C3orf49: variants seen among roughly 807,000 people sequenced by gnomAD.
The protein encoded by C3orf49 is putative uncharacterized protein C3orf49.
A neutral mutation model predicts 13.3 loss-of-function variants in C3orf49; 27 were observed. The ratio of observed to expected loss-of-function variants is 2.02; its 90% CI spans 1.49 to 2.79. The LOEUF is 2.79. Among genes scored for constraint, C3orf49 ranks in the 30% most tolerant of loss-of-function variants. The pLI is 0.00. For synonymous variants in C3orf49, 87 were observed against 47.6 expected (o/e 1.83, Z -3.40); for missense variants, 242 against 134.2 (o/e 1.80, Z -3.97).
chr3:63,838,729 C>G (rs1284895550), intron 5 of C3orf49, among the ~76,000 whole-genome samples: 1 of 152,064 alleles, frequency 6.6e-6, no homozygotes, highest in Non-Finnish European at 1.5e-5. Flanking sequence ...TTGTTCTTAT[C>G]AATGCACATT....
At chr3:63,838,719 T>C (rs987247694) in intron 5 of C3orf49, among the ~76,000 whole-genome samples, 2 of 151,940 alleles carry the variant, frequency 1.3e-5, no homozygotes, top group South Asian at 4.2e-4. Flanking sequence ...GGTGGGATTG[T>C]TGTTCTTATC....
the C3orf49 span, among the ~76,000 whole-genome samples, chr3:63,813,516 A>T: frequency 6.6e-6 from 1 of 152,226 alleles, no homozygotes; most frequent in Admixed American, 6.5e-5. Context: ...GTCTTAAGTT[A>T]GAAATACTAA....
chr3:63,790,626 A>G, the C3orf49 span, among the ~76,000 whole-genome samples: 3 of 146,834 alleles, frequency 2.0e-5, no homozygotes, highest in Admixed American at 6.8e-5. Context: ...TGGCACCTCA[A>G]TGCAGTAATC....
At chr3:63,804,866 A>G in the C3orf49 span, among the ~76,000 whole-genome samples, 1 of 152,218 alleles carries the variant, frequency 6.6e-6, no homozygotes, top group Non-Finnish European at 1.5e-5. Flanking sequence ...CTTGTGAAAT[A>G]AATGGATCTT....
At chr3:63,827,493 C>A in intron 2 of C3orf49, 108 bp from the exon 3 acceptor site, 2 of 565,432 alleles carry the variant, frequency 3.5e-6, no homozygotes, top group East Asian at 2.8e-5. Flanking sequence ...AAAAAAAAGC[C>A]ACTGAAGCAG....
At chr3:63,826,276 T>C (rs1238449268) in intron 2 of C3orf49, among the ~76,000 whole-genome samples, 1 of 151,938 alleles carries the variant, frequency 6.6e-6, no homozygotes, top group Non-Finnish European at 1.5e-5. Context: ...GTAGACTGGA[T>C]TGGATGAGGG....
the C3orf49 span, among the ~76,000 whole-genome samples, chr3:63,783,824 G>A: frequency 6.6e-6 from 1 of 151,996 alleles, no homozygotes; most frequent in Non-Finnish European, 1.5e-5. Flanking sequence ...CAGCACTAAA[G>A]AATTCAAGCT....
the C3orf49 span, chr3:63,805,240 A>C: frequency 1.3e-5 from 2 of 152,254 alleles, no homozygotes; most frequent in Admixed American, 6.5e-5. Context: ...AACATCTTAG[A>C]GGAAACACAA....
chr3:63,792,635 A>T, the C3orf49 span, among the ~76,000 whole-genome samples: 33 of 152,366 alleles, frequency 2.2e-4, no homozygotes, highest in African/African-American at 7.9e-4. Flanking sequence ...AGAGTCTATT[A>T]TGAATTAAGA....
At chr3:63,791,817 G>C in the C3orf49 span, among the ~76,000 whole-genome samples, 1 of 152,136 alleles carries the variant, frequency 6.6e-6, no homozygotes, top group South Asian at 2.1e-4. Context: ...TTCTTCCTTA[G>C]TCTCATAAAA....
At chr3:63,812,118 T>C in the C3orf49 span, among the ~76,000 whole-genome samples, 1 of 152,082 alleles carries the variant, frequency 6.6e-6, no homozygotes, top group Non-Finnish European at 1.5e-5. Context: ...TATTTTTTTA[T>C]GAGGATCCTG....
intron 6 of C3orf49, among the ~76,000 whole-genome samples, chr3:63,847,596 G>A (rs1701925111): frequency 6.6e-6 from 1 of 152,174 alleles, no homozygotes; most frequent in Admixed American, 6.5e-5. Context: ...AATTAGCCGG[G>A]TGTGGGGTTG....
intron 5 of C3orf49, chr3:63,835,292 A>G: frequency 6.2e-7 from 1 of 1,612,908 alleles, no homozygotes; most frequent in Non-Finnish European, 8.5e-7. Context: ...ACAGATAGAC[A>G]GATCATGAAG....
the C3orf49 span, chr3:63,782,505 C>T: frequency 6.6e-6 from 1 of 152,120 alleles, no homozygotes. Context: ...GTAAACAGTC[C>T]TCCAGAGTCA....
At chr3:63,823,844 A>G (rs1333140486) in intron 2 of C3orf49, among the ~76,000 whole-genome samples, 2 of 150,004 alleles carry the variant, frequency 1.3e-5, no homozygotes, top group Non-Finnish European at 3.0e-5. Context: ...TCTATCACCC[A>G]GGCTGTAGTG....
the C3orf49 span, among the ~76,000 whole-genome samples, chr3:63,785,690 G>T: frequency 1.3e-5 from 2 of 152,236 alleles, no homozygotes; most frequent in African/African-American, 4.8e-5. Context: ...CCAGAGAGGA[G>T]TATTCACCTA....
At position 63,835,723 on chromosome 3, in the gene C3orf49, C is replaced by T. The variant is rs554990120; in HGVS notation, c.849+3879C>T. 3.9e-5 allele frequency among the ~76,000 whole-genome samples: 6 copies of T among 152,072 alleles called. No individual in the cohort carries two copies. In the South Asian group the frequency reaches 1.2e-3, roughly 32 times the overall value. On this transcript the variant is annotated intron_variant, in intron 5 of 6. Coordinates refer to ENST00000295896, the MANE Select transcript of C3orf49 (RefSeq NM_001355236.2). Reference sequence around the variant, plus strand: ...TTTTGGTAAAAGAAATAAAACATTGCCAATTAACTCGAAATACCCTTTGAA... The same window carrying T: ...TTTTGGTAAAAGAAATAAAACATTGTCAATTAACTCGAAATACCCTTTGAA...
chr3:63,823,639 T>C (rs909322410), intron 2 of C3orf49, 70 bp downstream of exon 2: 1 of 635,090 alleles, frequency 1.6e-6, no homozygotes, highest in Non-Finnish European at 2.8e-6. Context: ...ATGGATTATC[T>C]TGCTACACCA....
intron 6 of C3orf49, chr3:63,846,293 C>T (rs1701893715): frequency 2.4e-6 from 1 of 411,328 alleles, no homozygotes; most frequent in South Asian, 1.8e-5. Flanking sequence ...AAGCGACTTG[C>T]ACTCCCTGGA....
Sources: gnomAD v4.1 joint callset for allele counts (sites outside exome capture counted in the v4.1 genomes callset) on GRCh38, gnomAD v4.1.1 for gene constraint, MANE v1.5 for transcripts, NCBI Gene and HGNC (gene_info 2026-07-23, HGNC 2026-07-21) for gene names.